Variants in TTN observed in about 807,000 individuals in gnomAD.
TTN encodes the protein titin.
A neutral mutation model predicts 3,223.0 loss-of-function variants in TTN; 1,525 were observed. The observed-to-expected ratio is 0.47, with a 90% CI of 0.45 to 0.49. The LOEUF (loss-of-function observed/expected upper bound fraction) is 0.49. Among genes scored for constraint, TTN ranks in the 20% least tolerant of loss-of-function variants. The probability of loss-of-function intolerance (pLI) is 0.00; values close to 1 mark genes in which losing one functional copy is unlikely to be tolerated. For missense variants in TTN, 40,786 were observed against 43,424.0 expected, an observed-to-expected ratio of 0.94 and a Z score of 5.40; for synonymous variants, 14,094 against 15,161.0, an observed-to-expected ratio of 0.93 and a Z score of 5.17.
At position 178,563,127 on chromosome 2, in the gene TTN, T is replaced by C. The variant is rs749006678; in HGVS notation, c.83005A>G (p.Arg27669Gly). Residue 27669 changes from arginine to glycine, a missense_variant, in exon 326 of 363, where the codon AGG (arginine) becomes GGG (glycine). Transcript: ENST00000589042. The surrounding 1 kb of genome is among the most constrained non-coding windows in gnomAD (Gnocchi z 4.5). The stretch of plus-strand genomic sequence containing the variant: ...AGTTCTATTTCTGGTGGCTCTATCC[T>C]CTCCTGAGCAACCACTGAGCCAGGT... ...TLPGSVVAQE[R>G]IEPPEIELDA... 1.2e-6 allele frequency: 2 copies of C among 1,613,688 alleles called. No homozygotes were observed. The highest frequency in any genetic ancestry group is 1.7e-6 in the Non-Finnish European group (2 of 1,179,702).
In TTN at chr2:178,538,936, A is replaced by C; in HGVS notation, c.98989+10T>G. On this transcript the variant is annotated intron_variant, in intron 353 of 362. Coordinates refer to ENST00000589042, the MANE Select transcript of TTN (RefSeq NM_001267550.2). The stretch of plus-strand genomic sequence containing the variant: ...TTCTTTAATTTAACCCCTTCTTCTG[A>C]ATTCCTTACCAAATGGATCTTTGCA... The C allele has an allele frequency of 6.3e-7, 1 of 1,599,664 alleles. No homozygotes were observed. Among genetic ancestry groups the C allele is most frequent in the Non-Finnish European group, 8.5e-7 (1 of 1,170,522 alleles).
intron 210 of TTN, 54 bp downstream of exon 210, chr2:178,650,110 G>C (rs1046596959): frequency 2.0e-6 from 3 of 1,480,688 alleles, no homozygotes; most frequent in Non-Finnish European, 2.7e-6. Flanking sequence ...AAGATATATA[G>C]ACATGAAAAA....
At chr2:178,695,307 T>C (rs1228711398) in intron 115 of TTN, 41 bp downstream of exon 115, 1 of 1,505,958 alleles carries the variant, frequency 6.6e-7, no homozygotes, top group East Asian at 2.3e-5. Context: ...ATGATAATGA[T>C]GTTGATGCTC....
At chr2:178,731,254 G>A in intron 59 of TTN, 51 bp from the exon 60 acceptor site, 1 of 1,610,838 alleles carries the variant, frequency 6.2e-7, no homozygotes, top group Non-Finnish European at 8.5e-7. Flanking sequence ...CTGCTGAAAG[G>A]CTTACATCTG....
chr2:178,652,109 A>G lies in TTN; in HGVS notation c.39282T>C (p.Ser13094=), dbSNP rs773883685. The G allele has an allele frequency of 1.4e-5, 23 of 1,612,802 alleles. No homozygotes were observed. The highest frequency in any genetic ancestry group is 5.0e-5 in the Admixed American group (3 of 59,944). The change falls in exon 204 of 363, where the codon AGT becomes AGC. Residue 13094 remains serine, a synonymous_variant. Transcript: ENST00000589042. The part of the protein sequence containing the change: ...VPEAIPPKPE[S]PPPEVFEEPE... The stretch of plus-strand genomic sequence containing the variant: ...TTTCATTATTACCTTCAGGGGGAGG[A>G]CTTTCCGGTTTGGGAGGAATAGCTT...
chr2:178,548,588 A>C lies in TTN; in HGVS notation c.93038T>G (p.Val31013Gly). ...GCCAGGTGGGCCTGGAGTGTCTAGC[A>C]CTTTCACGGTGAATGTGATTGACTT... ...GSKSITFTVKVLDTPGPPGPI... is the reference protein window; with the variant it reads ...GSKSITFTVKGLDTPGPPGPI... Residue 31013 changes from valine (V) to glycine (G), a missense_variant, in exon 339 of 363, where the codon GTG becomes GGG. Coordinates refer to ENST00000589042, the MANE Select transcript of TTN (RefSeq NM_001267550.2). The surrounding 1 kb of genome is among the most constrained non-coding windows in gnomAD (Gnocchi z 4.3). 1.2e-6 allele frequency: 2 copies of C among 1,613,800 alleles called. No homozygotes were observed. Among genetic ancestry groups the C allele is most frequent in the South Asian group, 2.2e-5 (2 of 91,080 alleles).
Position 178,673,663 on chromosome 2 carries a change from G to A in TTN, c.34756C>T (p.Pro11586Ser). Residue 11586 changes from proline (P) to serine (S), a missense_variant, in exon 152 of 363, where the codon CCT becomes TCT. Pro to Ser is a moderately conservative substitution (Grantham distance 74, BLOSUM62 -1). Coordinates refer to ENST00000589042, the MANE Select transcript of TTN (RefSeq NM_001267550.2). Reference protein sequence around the residue: ...KAVPEAPTPVPKKVEAPPAKV... With the variant: ...KAVPEAPTPVSKKVEAPPAKV... ...GCTGGTGGTGCCTCCACTTTTTTAG[G>A]AACAGGAGTAGGTGCTTCAGGTACT... The A allele has an allele frequency of 6.3e-7, 1 of 1,593,718 alleles. No homozygotes were observed. The highest frequency in any genetic ancestry group is 8.5e-7 in the Non-Finnish European group (1 of 1,172,106).
At position 178,722,266 on chromosome 2, in the gene TTN, T is replaced by C; in HGVS notation, c.22521A>G (p.Thr7507=). Residue 7507 remains threonine, a synonymous_variant, in exon 77 of 363, where the codon ACA becomes ACG. Transcript: ENST00000589042. ...AGTGACGTGTGAACAAACCTCTTGC[T>C]GTGAGTCTAGCACTAGAAGATGCTG... is the stretch of plus-strand genomic sequence containing the variant. ...LGTASSSARL[T]AREPKKSPFF... 6.3e-7 allele frequency: 1 copy of C among 1,578,558 alleles called. No homozygotes were observed. The highest frequency in any genetic ancestry group is 8.6e-7 in the Non-Finnish European group (1 of 1,163,394).
Position 178,588,958 on chromosome 2 carries a change from T to C in TTN, c.62767A>G (p.Thr20923Ala). The change falls in exon 304 of 363, where the codon ACT becomes GCT. Residue 20923 changes from threonine to alanine, a missense_variant. Transcript: ENST00000589042. Reference protein sequence around the residue: ...TYSATVLTPGTTVTRLIEGNE... With the variant: ...TYSATVLTPGATVTRLIEGNE... ...CCTTCTATGAGACGTGTTACTGTAG[T>C]ACCAGGTGTCAAGACAGTAGCAGAA... The C allele has an allele frequency of 6.2e-7, 1 of 1,612,630 alleles. No individual in the cohort carries two copies. Among genetic ancestry groups the C allele is most frequent in the Admixed American group, 1.7e-5 (1 of 59,894 alleles).
At position 178,730,385 on chromosome 2, in the gene TTN, A is replaced by T. The variant is rs746546928; in HGVS notation, c.18029-14T>A. The T allele has an allele frequency of 1.3e-6, 2 of 1,561,418 alleles. No individual in the cohort carries two copies. The highest frequency in any genetic ancestry group is 4.1e-5 in the Admixed American group (2 of 49,238). ...AGTAAGGGGGTTCTGAGGTGAAAGAAAAAACAAGCAAAAGAAAATAGGAAG... is the reference window on the plus strand; with the variant it reads ...AGTAAGGGGGTTCTGAGGTGAAAGATAAAACAAGCAAAAGAAAATAGGAAG... On this transcript the variant is annotated splice_polypyrimidine_tract_variant and intron_variant, in intron 61 of 362. Transcript: ENST00000589042.
intron 208 of TTN, 46 bp downstream of exon 208, chr2:178,651,197 G>C (rs373813404): frequency 6.6e-7 from 1 of 1,511,388 alleles, no homozygotes; most frequent in African/African-American, 1.4e-5. Context: ...TGACTTATTA[G>C]ACAAGGGTGA....
chr2:178,544,112 A>G lies in TTN; in HGVS notation c.96032T>C (p.Ile32011Thr), dbSNP rs774524947. Residue 32011 changes from isoleucine (I) to threonine (T), a missense_variant, in exon 346 of 363, where the codon ATA becomes ACA. Transcript: ENST00000589042. ...ATCATCTGCAAGCTCAAGATCTGGT[A>G]TTTCTGGAAAGTTAATGACAAAATT... The part of the protein sequence containing the change: ...AEIEPVERIE[I>T]PDLELADDLK... 1 of 1,605,042 alleles carries G rather than the reference A, an allele frequency of 6.2e-7. No homozygotes were observed. Among genetic ancestry groups the G allele is most frequent in the East Asian group, 2.2e-5 (1 of 44,700 alleles).
At position 178,728,008 on chromosome 2, in the gene TTN, C is replaced by A. The variant is rs2562854; in HGVS notation, c.19714+102G>T. ...CACAATGAATATGTATCTAAAGAAC[C>A]AGAATCATAGAGATTTTAGCTCTAA... On this transcript the variant is annotated intron_variant, in intron 67 of 362. Coordinates refer to ENST00000589042, the MANE Select transcript of TTN (RefSeq NM_001267550.2). 38,445 of 1,424,152 alleles carry A rather than the reference C, an allele frequency of 0.027. 1,195 individuals are homozygous for A. The highest frequency in any genetic ancestry group is 0.19 in the East Asian group (7,574 of 40,412). The allele number at this position is 1,424,152 out of a possible 1,614,324, so 88.2% of individuals were successfully genotyped here.
In TTN at chr2:178,574,778, G is replaced by A; in HGVS notation, c.71354C>T (p.Thr23785Ile). ...VELATTVIRT[T>I]YKATRLTTGL... ...AGTAGTAAGGCGGGTGGCTTTATAG[G>A]TAGTACGTATAACGGTGGTTGCTAA... is the stretch of plus-strand genomic sequence containing the variant. The change falls in exon 326 of 363, where the codon ACC becomes ATC. Residue 23785 changes from threonine to isoleucine, a missense_variant. Transcript: ENST00000589042. 6.2e-7 allele frequency: 1 copy of A among 1,612,230 alleles called. No individual in the cohort carries two copies. Among genetic ancestry groups the A allele is most frequent in the Non-Finnish European group, 8.5e-7 (1 of 1,178,908 alleles).
Position 178,542,151 on chromosome 2 carries a change from G to T in TTN, c.97492+113C>A, listed in dbSNP as rs983926665. The T allele has an allele frequency of 1.4e-5, 16 of 1,125,718 alleles. No individual in the cohort carries two copies. The East Asian group carries it at 2.6e-4, about 18-fold the overall frequency. 69.7% of individuals were successfully genotyped at this position (1,125,718 alleles called of 1,614,324 possible). ...TTAGAAACCTTAGAAAGACCACAGG[G>T]TTAATTTTGTGACCTATTTTTATTT... is the stretch of plus-strand genomic sequence containing the variant. On this transcript the variant is annotated intron_variant, in intron 349 of 362. Coordinates refer to ENST00000589042, the MANE Select transcript of TTN (RefSeq NM_001267550.2).
Position 178,546,595 on chromosome 2 carries a change from C to T in TTN, c.94828+5G>A. The T allele has an allele frequency of 6.2e-7, 1 of 1,604,088 alleles. No homozygotes were observed. Among genetic ancestry groups the T allele is most frequent in the South Asian group, 1.1e-5 (1 of 90,462 alleles). On this transcript the variant is annotated splice_donor_5th_base_variant and intron_variant, in intron 341 of 362. Transcript: ENST00000589042. ...TTAAAAAGGAGAATGTTGACTATTT[C>T]CTACCGTATTCATCTCGGCAAGTGA... is the stretch of plus-strand genomic sequence containing the variant.
chr2:178,538,114 C>T, intron 354 of TTN, 197 bp from the exon 355 acceptor site: 1 of 587,036 alleles, frequency 1.7e-6, no homozygotes, highest in South Asian at 2.5e-5. Flanking sequence ...CACATCGTCA[C>T]ATTTTATGTA....
chr2:178,627,926 C>A (rs554554977), intron 240 of TTN, among the ~76,000 whole-genome samples: 2 of 152,154 alleles, frequency 1.3e-5, no homozygotes, highest in East Asian at 3.9e-4. Context: ...TTAAATCATG[C>A]ATGATAGGCA....
rs775228717 is a variant in TTN at position 178,600,826 on chromosome 2, C to T, written c.56050+28G>A. 8.7e-6 allele frequency: 14 copies of T among 1,612,204 alleles called. No individual in the cohort carries two copies. In the East Asian group the frequency reaches 2.9e-4, roughly 34 times the overall value. ...CCTAGGAAGGCAGCTGTAAGGAGGACATTCTTTGTCAGTACATTGGTACTT... is the reference window on the plus strand; with the variant it reads ...CCTAGGAAGGCAGCTGTAAGGAGGATATTCTTTGTCAGTACATTGGTACTT... On this transcript the variant is annotated intron_variant, in intron 288 of 362. Coordinates refer to ENST00000589042, the MANE Select transcript of TTN (RefSeq NM_001267550.2).
Sources: allele counts gnomAD v4.1 joint callset (sites outside exome capture counted in the v4.1 genomes callset), GRCh38; gene constraint gnomAD v4.1.1; non-coding constraint Gnocchi (gnomAD v3.1); transcripts MANE v1.5; gene names NCBI Gene and HGNC (gene_info 2026-07-23, HGNC 2026-07-21).